The following ESRRG variants were observed in gnomAD, a reference collection of about 807,000 sequenced individuals.
ESRRG encodes estrogen related receptor gamma.
In ESRRG, 13 loss-of-function variants were observed where a neutral mutation model predicts 44.0. That is an observed-to-expected ratio of 0.30 (90% confidence interval 0.19 to 0.47). The LOEUF (loss-of-function observed/expected upper bound fraction) is 0.47, where lower values mean the gene tolerates loss of function less well. Ranked by LOEUF, ESRRG falls within the 20% of genes least tolerant of loss-of-function variation. The pLI is 1.00. For missense variants in ESRRG, 395 were observed against 580.6 expected (o/e 0.68, Z 3.29); for synonymous variants, 215 against 214.6 (o/e 1.00, Z -0.02).
chr1:216,951,542 C>T (rs1479080556), intron 1 of ESRRG, among the ~76,000 whole-genome samples: 1 of 152,012 alleles, frequency 6.6e-6, no homozygotes, highest in African/African-American at 2.4e-5. Flanking sequence ...TTAGCTTCCG[C>T]TTCTTATTAA....
At chr1:217,034,257 G>C (rs1385118759) in intron 1 of ESRRG, among the ~76,000 whole-genome samples, 2 of 152,058 alleles carry the variant, frequency 1.3e-5, no homozygotes, top group African/African-American at 4.8e-5. Context: ...GGGATAAAAC[G>C]GCTTGCTGTA....
chr1:216,937,886 CT>C (rs1389020940), intron 2 of ESRRG, among the ~76,000 whole-genome samples: 1 of 150,292 alleles, frequency 6.7e-6, no homozygotes, highest in African/African-American at 2.5e-5. Context: ...ATAGATTTAC[CT>C]TTTCCAAACT....
chr1:216,718,400 A>T (rs1044757105), intron 1 of ESRRG, among the ~76,000 whole-genome samples: 7 of 151,954 alleles, frequency 4.6e-5, no homozygotes. Flanking sequence ...TTAAAGTACC[A>T]TGTGTGTATT....
chr1:216,973,593 G>A (rs1392852241), intron 1 of ESRRG, among the ~76,000 whole-genome samples: 3 of 152,104 alleles, frequency 2.0e-5, no homozygotes, highest in Admixed American at 6.6e-5. Context: ...TTGGGAGGCC[G>A]AGGCGGGTGG....
intron 2 of ESRRG, among the ~76,000 whole-genome samples, chr1:216,785,117 A>T (rs189592509): frequency 9.9e-5 from 15 of 152,194 alleles, no homozygotes; most frequent in African/African-American, 1.7e-4. Context: ...TTCAAAAAAA[A>T]ATCAAATTTC....
chr1:216,904,354 G>A (rs554065094), intron 2 of ESRRG, among the ~76,000 whole-genome samples: 1 of 152,174 alleles, frequency 6.6e-6, no homozygotes, highest in Non-Finnish European at 1.5e-5. Context: ...TTCTGCAAGA[G>A]ACAAGTAGTT....
At chr1:216,676,843 T>C (rs1051773227) in intron 2 of ESRRG, among the ~76,000 whole-genome samples, 1 of 152,198 alleles carries the variant, frequency 6.6e-6, no homozygotes, top group African/African-American at 2.4e-5. Flanking sequence ...CAAAGTTTAT[T>C]ATCCTTGCAC....
At position 216,948,265 on chromosome 1, in the gene ESRRG, T is replaced by C. The variant is rs142531066; in HGVS notation, c.-105-8592A>G. Among the ~76,000 whole-genome samples, 969 of 151,866 alleles carry C rather than the reference T, an allele frequency of 6.4e-3. 8 individuals are homozygous for C. The highest frequency in any genetic ancestry group is 0.023 in the African/African-American group (944 of 41,430). ...ATGGTCAAGATTAGGAAGAAAGAAA[T>C]AGGGGACCTGGCCAGGCATGGTGGC... On this transcript the variant is annotated intron_variant, in intron 1 of 7. Coordinates refer to the ESRRG transcript ENST00000359162.
chr1:216,679,350 A>G (rs1256803402), intron 1 of ESRRG, among the ~76,000 whole-genome samples: 3 of 149,890 alleles, frequency 2.0e-5, no homozygotes, highest in Admixed American at 2.0e-4. Flanking sequence ...CACTTTCCTC[A>G]AGTCATCGTT....
At chr1:216,612,830 C>T (rs115188632) in intron 3 of ESRRG, among the ~76,000 whole-genome samples, 201 of 152,318 alleles carry the variant, frequency 1.3e-3, no homozygotes, top group African/African-American at 4.4e-3. Context: ...GTGGCAGAGA[C>T]ACCTTTATGT....
chr1:216,879,569 C>T (rs183186941), intron 2 of ESRRG, among the ~76,000 whole-genome samples: 1 of 149,104 alleles, frequency 6.7e-6, no homozygotes, highest in Non-Finnish European at 1.5e-5. Flanking sequence ...TTAATGCAAA[C>T]ACAGCAGAGT....
chr1:216,912,162 AAAGAAAAGAAAAGAAAAGAAAAG>A (rs1303301099), intron 2 of ESRRG, among the ~76,000 whole-genome samples: 4,655 of 42,494 alleles, frequency 0.11, 508 homozygotes, highest in Middle Eastern at 0.26. Context: ...AAAGAAAAGA[AAAGAAAAGAAAAGAAAAGAAAAG>A]GAGAGGAGAG....
At chr1:216,522,492 C>T (rs1316965684) in intron 5 of ESRRG, among the ~76,000 whole-genome samples, 1 of 151,988 alleles carries the variant, frequency 6.6e-6, no homozygotes, top group Non-Finnish European at 1.5e-5. Context: ...TCTCATTTTA[C>T]CCCTTTCCTA....
At chr1:216,969,315 T>C (rs2071141399) in intron 1 of ESRRG, among the ~76,000 whole-genome samples, 1 of 152,152 alleles carries the variant, frequency 6.6e-6, no homozygotes, top group East Asian at 1.9e-4. Context: ...ATTCGATGAA[T>C]GAATGACTAA....
intron 2 of ESRRG, among the ~76,000 whole-genome samples, chr1:216,653,497 T>C (rs1482528936): frequency 6.6e-6 from 1 of 152,216 alleles, no homozygotes; most frequent in African/African-American, 2.4e-5. Flanking sequence ...TATTATTACC[T>C]GACATGAACT....
chr1:216,905,901 C>A (rs1228002629), intron 2 of ESRRG, among the ~76,000 whole-genome samples: 2 of 152,100 alleles, frequency 1.3e-5, no homozygotes, highest in Non-Finnish European at 2.9e-5. Flanking sequence ...CAGGCACATG[C>A]CACTACGCCC....
intron 4 of ESRRG, among the ~76,000 whole-genome samples, chr1:216,565,157 A>T (rs1049124118): frequency 2.6e-5 from 4 of 152,178 alleles, no homozygotes; most frequent in African/African-American, 9.7e-5. Flanking sequence ...TATATGTTTT[A>T]AAAATCCTTC....
chr1:217,116,670 AC>A (rs1356121055), intron 1 of ESRRG, among the ~76,000 whole-genome samples: 3 of 152,192 alleles, frequency 2.0e-5, no homozygotes, highest in African/African-American at 7.2e-5. Context: ...GACTGTAGCA[AC>A]CAAGATGCTT....
chr1:217,129,454 G>C (rs114023158), intron 1 of ESRRG, among the ~76,000 whole-genome samples: 5 of 152,198 alleles, frequency 3.3e-5, no homozygotes, highest in Non-Finnish European at 5.9e-5. Flanking sequence ...GGACCCAAGA[G>C]AGCAGAAAAC....
Sources: allele counts gnomAD v4.1 joint callset (sites outside exome capture counted in the v4.1 genomes callset), GRCh38; gene constraint gnomAD v4.1.1; transcripts MANE v1.5; gene names NCBI Gene and HGNC (gene_info 2026-07-23, HGNC 2026-07-21).